SIPA1L2: variants seen among roughly 807,000 people sequenced by gnomAD.
SIPA1L2 encodes the protein signal induced proliferation associated 1 like 2, also known as signal-induced proliferation-associated 1-like protein 2.
A neutral mutation model predicts 163.9 loss-of-function variants in SIPA1L2; 56 were observed. The observed-to-expected ratio is 0.34, with a 90% CI of 0.28 to 0.43. The LOEUF (loss-of-function observed/expected upper bound fraction) is 0.43. Ranked by LOEUF, SIPA1L2 falls within the 20% of genes least tolerant of loss-of-function variation. The pLI is 1.00. For missense variants in SIPA1L2, 1,974 were observed against 2,193.5 expected (o/e 0.90, Z 2.00); for synonymous variants, 877 against 865.7 (o/e 1.01, Z -0.23).
At chr1:232,409,185 T>A (rs570322206) in intron 19 of SIPA1L2, among the ~76,000 whole-genome samples, 1 of 152,330 alleles carries the variant, frequency 6.6e-6, no homozygotes, top group South Asian at 2.1e-4. Flanking sequence ...AATTTAGTTT[T>A]TCAACTATTT....
At chr1:232,529,586 C>T (rs1667875873) in intron 2 of SIPA1L2, among the ~76,000 whole-genome samples, 1 of 152,164 alleles carries the variant, frequency 6.6e-6, no homozygotes, top group African/African-American at 2.4e-5. Flanking sequence ...CTAAGATTTC[C>T]TGCTGTTGTT....
At chr1:232,433,597 A>C (rs1004444529) in intron 15 of SIPA1L2, among the ~76,000 whole-genome samples, 1 of 152,206 alleles carries the variant, frequency 6.6e-6, no homozygotes, top group African/African-American at 2.4e-5. Context: ...CAAGGTTAGT[A>C]ATTAAGCTAA....
At chr1:232,437,400 T>C (rs1017418154) in intron 15 of SIPA1L2, among the ~76,000 whole-genome samples, 2 of 152,240 alleles carry the variant, frequency 1.3e-5, no homozygotes, top group African/African-American at 4.8e-5. Context: ...TTAATTATTA[T>C]ATTAGTTATT....
chr1:232,398,346 T>C lies in SIPA1L2; in HGVS notation c.*781A>G, dbSNP rs950938735. 29 of 152,628 alleles carry C rather than the reference T, an allele frequency of 1.9e-4. No homozygotes were observed. Among genetic ancestry groups the C allele is most frequent in the African/African-American group, 7.0e-4 (29 of 41,448 alleles). 9.5% of individuals were successfully genotyped at this position (152,628 alleles called of 1,614,324 possible). ...AGGGAAGTTCTAGTGAGTAAGCAGA[T>C]TCACTCTCATTTCTTTCCAGCAGAG... is the stretch of plus-strand genomic sequence containing the variant. On this transcript the variant is annotated 3_prime_UTR_variant, in exon 23 of 23. Coordinates refer to ENST00000674635, the MANE Select transcript of SIPA1L2 (RefSeq NM_020808.5).
intron 3 of SIPA1L2, among the ~76,000 whole-genome samples, chr1:232,512,886 G>A (rs1021023334): frequency 6.6e-6 from 1 of 152,206 alleles, no homozygotes; most frequent in Non-Finnish European, 1.5e-5. Flanking sequence ...CTGAGAAAAA[G>A]GAGGAGGAGA....
Position 232,617,572 on chromosome 1 carries a change from A to G in SIPA1L2, c.-319+12297T>C, listed in dbSNP as rs2102883784. Among the ~76,000 whole-genome samples, 2 of 152,348 alleles carry G rather than the reference A, an allele frequency of 1.3e-5. 1 individual carries two copies. The highest frequency in any genetic ancestry group is 6.8e-3 in the Middle Eastern group (2 of 294). ...CTGAATTTTGAAAGCAGCTTTATAC[A>G]CAAGAGTGCATACTGCATGATTCCA... On this transcript the variant is annotated intron_variant, in intron 1 of 22. Transcript: ENST00000674635.
intron 15 of SIPA1L2, among the ~76,000 whole-genome samples, chr1:232,436,307 G>C (rs1158096051): frequency 1.3e-5 from 2 of 152,226 alleles, no homozygotes; most frequent in African/African-American, 4.8e-5. Context: ...CTCCAGTGAG[G>C]AGAAGGTGGC....
At chr1:232,476,647 A>C (rs1261555435) in intron 7 of SIPA1L2, among the ~76,000 whole-genome samples, 1 of 152,172 alleles carries the variant, frequency 6.6e-6, no homozygotes, top group Non-Finnish European at 1.5e-5. Flanking sequence ...TGAAGAGAGA[A>C]AATAACTCCA....
chr1:232,425,779 C>T lies in SIPA1L2; in HGVS notation c.4440G>A (p.Arg1480=), dbSNP rs1474610574. ...CAGACAGCGTGCGGTAAAGCGACCT[C>T]CTTGGAGACAGGTTCCCATAGAACG... The part of the protein sequence containing the change: ...KFSFYGNLSP[R]RSLYRTLSDE... Residue 1480 remains arginine, a synonymous_variant, in exon 18 of 23, where the codon AGG becomes AGA. Coordinates refer to ENST00000674635, the MANE Select transcript of SIPA1L2 (RefSeq NM_020808.5). 1.2e-6 allele frequency: 2 copies of T among 1,613,966 alleles called. No homozygotes were observed. Among genetic ancestry groups the T allele is most frequent in the South Asian group, 2.2e-5 (2 of 91,036 alleles).
intron 1 of SIPA1L2, among the ~76,000 whole-genome samples, chr1:232,581,117 C>A (rs1317950179): frequency 6.6e-6 from 1 of 152,180 alleles, no homozygotes; most frequent in Non-Finnish European, 1.5e-5. Context: ...TGTGCTGCAA[C>A]CATGGCACCT....
intron 9 of SIPA1L2, among the ~76,000 whole-genome samples, chr1:232,463,146 C>A (rs1216029333): frequency 1.3e-5 from 2 of 152,218 alleles, no homozygotes; most frequent in Non-Finnish European, 2.9e-5. Flanking sequence ...CTTCTGAGAG[C>A]GGGTCCCTGT....
In SIPA1L2 at chr1:232,599,205, A is replaced by T. The variant is rs1661453951; in HGVS notation, c.-318-24983T>A. On this transcript the variant is annotated intron_variant, in intron 1 of 22. Transcript: ENST00000674635. ...GGTTCTGGATTCAGATTACATATTTAAAAAAACAAACAAACAGTGGTGTCT... is the reference window on the plus strand; with the variant it reads ...GGTTCTGGATTCAGATTACATATTTTAAAAAACAAACAAACAGTGGTGTCT... 2.6e-5 allele frequency among the ~76,000 whole-genome samples: 4 copies of T among 152,298 alleles called. No homozygotes were observed. The South Asian group carries it at 8.3e-4, about 32-fold the overall frequency.
chr1:232,510,556 A>C (rs572102158), intron 3 of SIPA1L2, among the ~76,000 whole-genome samples: 56 of 152,328 alleles, frequency 3.7e-4, no homozygotes, highest in African/African-American at 1.3e-3. Flanking sequence ...CAGTTTGATG[A>C]TGTCATTTGC....
intron 19 of SIPA1L2, among the ~76,000 whole-genome samples, chr1:232,405,230 C>T (rs1218623862): frequency 6.6e-6 from 1 of 152,234 alleles, no homozygotes; most frequent in Non-Finnish European, 1.5e-5. Context: ...CTGAGTGCAC[C>T]CAGCTACTGA....
At chr1:232,403,426 G>A (rs1660461909) in intron 21 of SIPA1L2, 22 bp downstream of exon 21, 1 of 1,604,980 alleles carries the variant, frequency 6.2e-7, no homozygotes, top group East Asian at 2.2e-5. Flanking sequence ...CAGGAGGGAG[G>A]GGTCCACAGG....
In SIPA1L2 at chr1:232,415,391, C is replaced by T. The variant is rs1248632703; in HGVS notation, c.4762+103G>A. ...CAAGGCAAAACATTCAAAACTTTGACCAGACGATGGGAGACAGACGGGCTC... is the reference window on the plus strand; with the variant it reads ...CAAGGCAAAACATTCAAAACTTTGATCAGACGATGGGAGACAGACGGGCTC... On this transcript the variant is annotated intron_variant, in intron 19 of 22. Transcript: ENST00000674635. 5.0e-6 allele frequency: 7 copies of T among 1,390,524 alleles called. No homozygotes were observed. In the South Asian group the frequency reaches 1.2e-4, roughly 23 times the overall value. 86.1% of individuals were successfully genotyped at this position (1,390,524 alleles called of 1,614,324 possible). A position where few individuals can be genotyped will look rare whatever the true frequency, so the allele number is the denominator to read the frequency against.
chr1:232,432,754 A>G (rs1291096852), intron 15 of SIPA1L2, among the ~76,000 whole-genome samples: 1 of 152,236 alleles, frequency 6.6e-6, no homozygotes, highest in Non-Finnish European at 1.5e-5. Context: ...TCCTAAACTG[A>G]TTCTTCAAAA....
At chr1:232,403,723 C>G in intron 20 of SIPA1L2, 152 bp from the exon 21 acceptor site, 1 of 1,075,396 alleles carries the variant, frequency 9.3e-7, no homozygotes, top group African/African-American at 1.6e-5. Context: ...AAAACAAATT[C>G]AGGCAAGCTT....
At chr1:232,459,280 G>A (rs867760269) in intron 10 of SIPA1L2, among the ~76,000 whole-genome samples, 16 of 152,246 alleles carry the variant, frequency 1.1e-4, no homozygotes, top group Middle Eastern at 6.8e-3. Flanking sequence ...GTTCATGTAC[G>A]TAATAGCCAC....
Sources: allele counts gnomAD v4.1 joint callset (sites outside exome capture counted in the v4.1 genomes callset), GRCh38; gene constraint gnomAD v4.1.1; transcripts MANE v1.5; gene names NCBI Gene and HGNC (gene_info 2026-07-23, HGNC 2026-07-21).